RNF175: variants seen among roughly 807,000 people sequenced by gnomAD.
RNF175 encodes ring finger protein 175.
In RNF175, 38 loss-of-function variants were observed where a neutral mutation model predicts 50.0. The ratio of observed to expected loss-of-function variants is 0.76; its 90% CI spans 0.59 to 1.00. The LOEUF (loss-of-function observed/expected upper bound fraction) is 1.00, where lower values mean the gene tolerates loss of function less well. RNF175 is among the 50% of genes least tolerant of loss of function. RNF175 has a pLI of 0.00. For missense variants in RNF175, 388 were observed against 409.6 expected, an observed-to-expected ratio of 0.95 and a Z score of 0.46; for synonymous variants, 155 against 146.1, an observed-to-expected ratio of 1.06 and a Z score of -0.44.
chr4:153,741,696 G>A (rs1646706752), intron 3 of RNF175, among the ~76,000 whole-genome samples: 1 of 152,074 alleles, frequency 6.6e-6, no homozygotes, highest in African/African-American at 2.4e-5. Context: ...TGACTTCCAA[G>A]CTTTTTATAT....
chr4:153,748,847 AAAC>A (rs747042242), intron 2 of RNF175, 61 bp from the exon 3 acceptor site: 838 of 1,404,890 alleles, frequency 6.0e-4, no homozygotes, highest in South Asian at 8.7e-4. Context: ...TTAGCAAAAA[AAAC>A]AAAAAACAAA....
chr4:153,748,841 C>CAAAAAAA, intron 2 of RNF175, 55 bp from the exon 3 acceptor site: 4 of 1,409,296 alleles, frequency 2.8e-6, no homozygotes, highest in Non-Finnish European at 2.8e-6. Flanking sequence ...GCGCATTTAG[C>CAAAAAAA]AAAAAAAACA....
chr4:153,755,669 C>T lies in RNF175; in HGVS notation c.66+4128G>A, dbSNP rs200148107. Among the ~76,000 whole-genome samples, 5 of 146,846 alleles carry T rather than the reference C, an allele frequency of 3.4e-5. No individual in the cohort carries two copies. In the East Asian group the frequency reaches 8.1e-4, roughly 24 times the overall value. ...AATCTCCTCACATCCCCCACCCCCG[C>T]AAAAAAAATGAGTTCTAGAACCAGA... is the stretch of plus-strand genomic sequence containing the variant. On this transcript the variant is annotated intron_variant, in intron 1 of 8. Transcript: ENST00000347063.
chr4:153,715,502 CCAAA>C (rs1307034173), intron 7 of RNF175, 23 bp downstream of exon 7: 13 of 1,559,400 alleles, frequency 8.3e-6, no homozygotes, highest in Admixed American at 1.9e-5. Flanking sequence ...TTGATGAAGC[CCAAA>C]CAATTTCCTT....
chr4:153,738,879 T>C (rs941395995), intron 3 of RNF175, among the ~76,000 whole-genome samples: 2 of 152,226 alleles, frequency 1.3e-5, no homozygotes, highest in African/African-American at 4.8e-5. Flanking sequence ...ATATCAATTA[T>C]ACTCCTTTAC....
At chr4:153,754,750 G>T (rs909664973) in intron 1 of RNF175, among the ~76,000 whole-genome samples, 23 of 152,154 alleles carry the variant, frequency 1.5e-4, no homozygotes, top group African/African-American at 5.3e-4. Flanking sequence ...GAATAGCAAG[G>T]CAGAGTAGAT....
chr4:153,715,422 C>T (rs1205733647), intron 7 of RNF175, 107 bp downstream of exon 7: 4 of 1,090,822 alleles, frequency 3.7e-6, no homozygotes, highest in East Asian at 2.6e-5. Flanking sequence ...GGGGTTTGGG[C>T]ATGGAAGGTA....
intron 6 of RNF175, among the ~76,000 whole-genome samples, chr4:153,717,265 A>T (rs1231502498): frequency 6.6e-6 from 1 of 151,864 alleles, no homozygotes; most frequent in Non-Finnish European, 1.5e-5. Flanking sequence ...ATCACTGTGG[A>T]GTTCTTTTGT....
chr4:153,718,282 G>T (rs1221958245), intron 6 of RNF175, among the ~76,000 whole-genome samples: 1 of 121,068 alleles, frequency 8.3e-6, no homozygotes, highest in African/African-American at 3.1e-5. Context: ...TACTCCCAGA[G>T]ATTCTGATTT....
intron 7 of RNF175, chr4:153,715,233 A>G (rs1027010165): frequency 2.3e-6 from 1 of 430,318 alleles, no homozygotes; most frequent in African/African-American, 2.0e-5. Context: ...CTGCTCACTT[A>G]TGACTTCAAC....
rs184975120 is a variant in RNF175, at chr4:153,751,967, C to T, written c.67-492G>A. 1.1e-4 allele frequency among the ~76,000 whole-genome samples: 16 copies of T among 152,338 alleles called. No homozygotes were observed. The South Asian group carries it at 3.3e-3, about 32-fold the overall frequency. On this transcript the variant is annotated intron_variant, in intron 1 of 8. Transcript: ENST00000347063. ...GAGCAGAGGCTCCGTTGATTTGGAG[C>T]ATTCTTGTACTCTCTTGTTAAGAAG...
chr4:153,720,419 T>G, intron 5 of RNF175, 115 bp from the exon 6 acceptor site: 1 of 782,396 alleles, frequency 1.3e-6, no homozygotes, highest in Non-Finnish European at 2.0e-6. Flanking sequence ...TATTTTTTTT[T>G]TCATTTATGT....
At chr4:153,756,212 C>T (rs1215154435) in intron 1 of RNF175, among the ~76,000 whole-genome samples, 1 of 152,156 alleles carries the variant, frequency 6.6e-6, no homozygotes. Flanking sequence ...TAGCCATGTC[C>T]TTTTTATCCC....
rs1737873129 is a variant in RNF175, at chr4:153,715,705, C to A, written c.631-43G>T. On this transcript the variant is annotated intron_variant, in intron 6 of 8. Coordinates refer to ENST00000347063, the MANE Select transcript of RNF175 (RefSeq NM_173662.4). ...CAGAGCACAGTCAGAAAGGAGAGCA[C>A]ATGCCACTCTCTGAATGCAGGAAGC... is the stretch of plus-strand genomic sequence containing the variant. 3.8e-6 allele frequency: 6 copies of A among 1,587,918 alleles called. No individual in the cohort carries two copies. In the South Asian group the frequency reaches 6.9e-5, roughly 18 times the overall value.
At chr4:153,750,440 A>G (rs1035805118) in intron 2 of RNF175, among the ~76,000 whole-genome samples, 4 of 152,210 alleles carry the variant, frequency 2.6e-5, no homozygotes, top group Non-Finnish European at 5.9e-5. Context: ...ATCAGCCCAC[A>G]GAGCCCAGTA....
At chr4:153,748,617 G>A (rs375763327) in intron 3 of RNF175, 28 bp downstream of exon 3, 31 of 1,539,630 alleles carry the variant, frequency 2.0e-5, no homozygotes, top group Non-Finnish European at 2.6e-5. Context: ...GCTGGAGCAG[G>A]CTCCCAGCAG....
chr4:153,713,355 C>T (rs1560765787), intron 7 of RNF175: 2 of 152,166 alleles, frequency 1.3e-5, no homozygotes, highest in African/African-American at 2.4e-5. Context: ...TTTCAGTGTC[C>T]TCAGCACCTT....
At chr4:153,711,702 C>T (rs1349433019) in intron 8 of RNF175, among the ~76,000 whole-genome samples, 1 of 152,182 alleles carries the variant, frequency 6.6e-6, no homozygotes, top group African/African-American at 2.4e-5. Context: ...GTTTTAATTC[C>T]ATTCCCACCC....
chr4:153,746,604 T>A (rs926503488), intron 3 of RNF175, among the ~76,000 whole-genome samples: 32 of 152,332 alleles, frequency 2.1e-4, no homozygotes, highest in Non-Finnish European at 4.0e-4. Flanking sequence ...AGGCTGGAGT[T>A]GCATGCTGCA....
Sources: gnomAD v4.1 joint callset for allele counts (sites outside exome capture counted in the v4.1 genomes callset) on GRCh38, gnomAD v4.1.1 for gene constraint, MANE v1.5 for transcripts, NCBI Gene and HGNC (gene_info 2026-07-23, HGNC 2026-07-21) for gene names.